Variants in LRP1B observed in about 807,000 individuals in gnomAD.
LRP1B encodes low-density lipoprotein receptor-related protein 1B.
LRP1B carries 217 observed loss-of-function variants against 556.6 expected under a neutral mutation model. That is an observed-to-expected ratio of 0.39 (90% CI 0.35 to 0.44). The LOEUF (loss-of-function observed/expected upper bound fraction) is 0.44. Ranked by LOEUF, LRP1B falls within the 20% of genes least tolerant of loss-of-function variation. The pLI is 1.00. For missense variants in LRP1B, 5,053 were observed against 5,620.8 expected (o/e 0.90, Z 3.23); for synonymous variants, 2,047 against 1,865.8 (o/e 1.10, Z -2.50).
At chr2:140,686,677 T>C (rs1296678059) in intron 41 of LRP1B, among the ~76,000 whole-genome samples, 1 of 151,912 alleles carries the variant, frequency 6.6e-6, no homozygotes, top group Non-Finnish European at 1.5e-5. Flanking sequence ...TGGACACTGG[T>C]CCATTTGTGA....
chr2:140,638,154 A>G (rs1315955382), intron 41 of LRP1B, among the ~76,000 whole-genome samples: 1 of 152,198 alleles, frequency 6.6e-6, no homozygotes, highest in Admixed American at 6.5e-5. Context: ...TTTCTCTATA[A>G]TTTTACAGTA....
intron 11 of LRP1B, among the ~76,000 whole-genome samples, chr2:141,023,265 C>T (rs1202542762): frequency 6.6e-6 from 1 of 151,608 alleles, no homozygotes; most frequent in Non-Finnish European, 1.5e-5. Flanking sequence ...CATTAAACAC[C>T]CACACACTCA....
At chr2:141,533,387 A>C (rs1440449494) in intron 2 of LRP1B, among the ~76,000 whole-genome samples, 11 of 152,192 alleles carry the variant, frequency 7.2e-5, no homozygotes, top group Non-Finnish European at 1.6e-4. Context: ...TATATGTAGT[A>C]ATATTCCAAC....
chr2:141,869,395 T>A (rs1698512825), intron 1 of LRP1B, among the ~76,000 whole-genome samples: 1 of 152,098 alleles, frequency 6.6e-6, no homozygotes, highest in Admixed American at 6.6e-5. Flanking sequence ...ATAAGGATGA[T>A]AATATTATAT....
intron 23 of LRP1B, among the ~76,000 whole-genome samples, chr2:140,894,630 T>A (rs1169379912): frequency 1.3e-5 from 2 of 151,824 alleles, no homozygotes; most frequent in Non-Finnish European, 2.9e-5. Flanking sequence ...CCTGATGATA[T>A]CCGGGGAAGT....
chr2:140,966,534 C>T (rs1395712333), intron 18 of LRP1B, among the ~76,000 whole-genome samples: 1 of 152,136 alleles, frequency 6.6e-6, no homozygotes, highest in African/African-American at 2.4e-5. Context: ...TTTTGCTGTG[C>T]AGAAGCTCTT....
In LRP1B at chr2:141,229,346, T is replaced by A. The variant is rs2105294057; in HGVS notation, c.687A>T (p.Ser229=). The A allele has an allele frequency of 6.2e-7, 1 of 1,612,884 alleles. No individual in the cohort carries two copies. The highest frequency in any genetic ancestry group is 8.5e-7 in the Non-Finnish European group (1 of 1,179,110). The stretch of plus-strand genomic sequence containing the variant: ...GAGTATGAATTTCATTTCCATTGAC[T>A]GAGCTTAGAGTTGCCATTTTACTTC... ...LNGSKMATLS[S]VNGNEIHTLD... is the part of the protein sequence containing the mutation. Residue 229 remains serine, a synonymous_variant, in exon 6 of 91, where the codon TCA becomes TCT. Transcript: ENST00000389484.
chr2:140,817,807 T>A (rs184616534), intron 31 of LRP1B, among the ~76,000 whole-genome samples: 1 of 68,634 alleles, frequency 1.5e-5, no homozygotes, highest in African/African-American at 3.0e-5. Flanking sequence ...AAAAGGAATT[T>A]AAAAAATTAA....
In LRP1B at chr2:141,323,864, CAT is replaced by C. The variant is rs1292822824; in HGVS notation, c.344-69225_344-69224del. On this transcript the variant is annotated intron_variant, in intron 3 of 90. Transcript: ENST00000389484. ...TAGTGCAAAGGAAAACACACACACA[CAT>C]ACACACATACCTGAACAAGGAAACC... 3.3e-5 allele frequency among the ~76,000 whole-genome samples: 5 copies of C among 151,628 alleles called. No homozygotes were observed. In the East Asian group the frequency reaches 7.8e-4, roughly 24 times the overall value.
In LRP1B at chr2:140,996,812, G is replaced by A. The variant is rs1674371120; in HGVS notation, c.2504-2677C>T. Among the ~76,000 whole-genome samples, 6 of 152,006 alleles carry A rather than the reference G, an allele frequency of 3.9e-5. No homozygotes were observed. The South Asian group carries it at 1.0e-3, about 26-fold the overall frequency. On this transcript the variant is annotated intron_variant, in intron 15 of 90. Transcript: ENST00000389484. ...AAAAGATAAAAGATAAAGACAAAGG[G>A]ATATGTAGACAGAACGAAGAGAGTC...
intron 7 of LRP1B, among the ~76,000 whole-genome samples, chr2:141,119,212 C>T (rs891172369): frequency 5.9e-5 from 9 of 151,760 alleles, no homozygotes; most frequent in Admixed American, 2.6e-4. Context: ...TAAAATCATC[C>T]GTAAGTTTTT....
At chr2:140,677,117 C>T (rs760487352) in intron 41 of LRP1B, among the ~76,000 whole-genome samples, 1 of 152,104 alleles carries the variant, frequency 6.6e-6, no homozygotes, top group Non-Finnish European at 1.5e-5. Flanking sequence ...AGGAGGAGAA[C>T]CAGGATGAAA....
At chr2:140,459,115 G>A (rs765207568) in intron 60 of LRP1B, among the ~76,000 whole-genome samples, 4 of 152,060 alleles carry the variant, frequency 2.6e-5, no homozygotes, top group Non-Finnish European at 5.9e-5. Flanking sequence ...ATGTACTCTT[G>A]CAGACATAGA....
chr2:140,274,244 G>A (rs1425847489), intron 85 of LRP1B, among the ~76,000 whole-genome samples, 180 bp downstream of exon 85: 1 of 151,948 alleles, frequency 6.6e-6, no homozygotes, highest in African/African-American at 2.4e-5. Flanking sequence ...AATAGATGTT[G>A]AATAAGTTCA....
Position 140,450,629 on chromosome 2 carries a change from G to C in LRP1B, c.9996C>G (p.Phe3332Leu), listed in dbSNP as rs2105313965. Residue 3332 changes from phenylalanine to leucine, a missense_variant, in exon 63 of 91, where the codon TTC (phenylalanine) becomes TTG (leucine). Phe to Leu is a conservative substitution (Grantham distance 22, BLOSUM62 0). Around this residue, in one of 5 missense-constraint regions of LRP1B, gnomAD observed 262 missense variants for 395.1 expected, o/e 0.66. Transcript: ENST00000389484. The stretch of plus-strand genomic sequence containing the variant: ...CATCCACGGTGTCACATTTCCACCA[G>C]AATGGAATACATTTGTCAGTTTTGC... ...FRCKTDKCIP[F>L]WWKCDTVDDC... 1 of 1,612,008 alleles carries C rather than the reference G, an allele frequency of 6.2e-7. No homozygotes were observed. The highest frequency in any genetic ancestry group is 8.5e-7 in the Non-Finnish European group (1 of 1,179,212).
At chr2:141,941,630 G>T (rs997501725) in intron 1 of LRP1B, among the ~76,000 whole-genome samples, 4 of 152,184 alleles carry the variant, frequency 2.6e-5, no homozygotes, top group African/African-American at 9.7e-5. Flanking sequence ...GTTGAATGTG[G>T]CCAGAGCTCA....
intron 41 of LRP1B, among the ~76,000 whole-genome samples, chr2:140,612,469 T>C (rs1269744683): frequency 1.3e-5 from 2 of 152,164 alleles, no homozygotes; most frequent in African/African-American, 4.8e-5. Flanking sequence ...TAAATTTGAT[T>C]TATCAGAACT....
intron 6 of LRP1B, among the ~76,000 whole-genome samples, chr2:141,220,492 A>G (rs959689806): frequency 6.6e-6 from 1 of 152,140 alleles, no homozygotes; most frequent in Non-Finnish European, 1.5e-5. Flanking sequence ...GTTGGAAAAC[A>G]TACTTCACGA....
At chr2:141,627,924 T>C (rs760156702) in intron 2 of LRP1B, among the ~76,000 whole-genome samples, 1 of 152,186 alleles carries the variant, frequency 6.6e-6, no homozygotes, top group Non-Finnish European at 1.5e-5. Context: ...ATTTGATGGA[T>C]CAATGGAGAT....
Sources: allele counts gnomAD v4.1 joint callset (sites outside exome capture counted in the v4.1 genomes callset), GRCh38; gene constraint gnomAD v4.1.1; regional missense constraint gnomAD v4.1.1; transcripts MANE v1.5; gene names NCBI Gene and HGNC (gene_info 2026-07-23, HGNC 2026-07-21).